The following TPRG1 variants were observed in gnomAD, a reference collection of about 807,000 sequenced individuals.
The protein encoded by TPRG1 is tumor protein p63 regulated 1, also known as tumor protein p63-regulated gene 1 protein.
In TPRG1, 29 loss-of-function variants were observed where a neutral mutation model predicts 29.3. That is an observed-to-expected ratio of 0.99 (90% CI 0.74 to 1.35). The LOEUF (loss-of-function observed/expected upper bound fraction) is 1.35, where lower values mean the gene tolerates loss of function less well. Ranked by LOEUF, TPRG1 falls within the 40% of genes most tolerant of loss-of-function variation. The pLI is 0.00. For missense variants in TPRG1, 327 were observed against 335.0 expected (o/e 0.98, Z 0.19); for synonymous variants, 130 against 116.8 (o/e 1.11, Z -0.73).
intron 1 of TPRG1, among the ~76,000 whole-genome samples, chr3:189,198,741 C>G (rs1184496845): frequency 1.3e-5 from 2 of 152,136 alleles, no homozygotes; most frequent in Admixed American, 6.5e-5. Context: ...TCATGGCCCA[C>G]TAGTGAAGAC....
chr3:189,125,816 TGTGTGTGTG>T (rs1560467329), intron 1 of TPRG1, among the ~76,000 whole-genome samples: 83 of 16,360 alleles, frequency 5.1e-3, no homozygotes, highest in Middle Eastern at 0.077. Flanking sequence ...GGGTGTTTTG[TGTGTGTGTG>T]TGTGTGTGTG....
At chr3:189,044,703 C>T (rs1714862043) in intron 4 of TPRG1, among the ~76,000 whole-genome samples, 1 of 152,056 alleles carries the variant, frequency 6.6e-6, no homozygotes, top group Admixed American at 6.6e-5. Context: ...AGAGCAATGG[C>T]CTAAGTTGCA....
chr3:189,195,059 A>G (rs976790916), intron 1 of TPRG1, among the ~76,000 whole-genome samples: 3 of 152,216 alleles, frequency 2.0e-5, no homozygotes, highest in Admixed American at 6.5e-5. Flanking sequence ...CCCAACCCTG[A>G]GATGCAAAGC....
At chr3:189,122,358 A>T (rs1252691695) in intron 1 of TPRG1, among the ~76,000 whole-genome samples, 1 of 152,180 alleles carries the variant, frequency 6.6e-6, no homozygotes, top group Non-Finnish European at 1.5e-5. Flanking sequence ...TTCCCAAATG[A>T]CTTTTCTTGT....
chr3:189,303,747 A>G (rs1721196421), intron 4 of TPRG1, among the ~76,000 whole-genome samples: 1 of 152,224 alleles, frequency 6.6e-6, no homozygotes, highest in Admixed American at 6.5e-5. Context: ...TTTACTGCAC[A>G]AACACACATA....
chr3:189,005,698 A>G (rs773034320), intron 3 of TPRG1, among the ~76,000 whole-genome samples: 3 of 152,096 alleles, frequency 2.0e-5, no homozygotes, highest in Non-Finnish European at 4.4e-5. Flanking sequence ...TTGAGAAGGA[A>G]ATTCCCATTA....
At chr3:189,196,438 C>T (rs1732537392) in intron 1 of TPRG1, among the ~76,000 whole-genome samples, 1 of 152,134 alleles carries the variant, frequency 6.6e-6, no homozygotes, top group African/African-American at 2.4e-5. Flanking sequence ...TTAATTGACT[C>T]ACAGTTCCAC....
intron 4 of TPRG1, among the ~76,000 whole-genome samples, chr3:189,278,308 C>T (rs1482584787): frequency 3.3e-5 from 5 of 151,630 alleles, no homozygotes; most frequent in Admixed American, 1.3e-4. Flanking sequence ...AGTGGTTGCT[C>T]GAGTGCCCTG....
chr3:189,223,760 C>G (rs1414110795), intron 3 of TPRG1, among the ~76,000 whole-genome samples: 1 of 152,096 alleles, frequency 6.6e-6, no homozygotes. Context: ...AAATAGGGAT[C>G]TTAAGAGCGT....
chr3:189,245,602 A>T (rs1358061601), intron 4 of TPRG1, among the ~76,000 whole-genome samples: 1 of 152,114 alleles, frequency 6.6e-6, no homozygotes, highest in African/African-American at 2.4e-5. Flanking sequence ...TTGTTTTATG[A>T]AGCTCATTAT....
At chr3:189,022,538 C>G (rs1157082692) in intron 3 of TPRG1, among the ~76,000 whole-genome samples, 2 of 151,626 alleles carry the variant, frequency 1.3e-5, no homozygotes, top group Non-Finnish European at 2.9e-5. Flanking sequence ...CCCAGTTAGG[C>G]TGCTCGGGGG....
intron 1 of TPRG1, among the ~76,000 whole-genome samples, chr3:189,116,280 C>A (rs1251066579): frequency 6.6e-6 from 1 of 151,928 alleles, no homozygotes; most frequent in African/African-American, 2.4e-5. Flanking sequence ...TGGGTTCAAG[C>A]AATTCTCTGC....
rs113659808 is a variant in TPRG1, at chr3:189,287,235, A to G, written c.480-23151A>G. Among the ~76,000 whole-genome samples the G allele has an allele frequency of 1.1e-3, 165 of 152,162 alleles. 3 individuals carry two copies. Among genetic ancestry groups the G allele is most frequent in the African/African-American group, 3.5e-3 (145 of 41,540 alleles). ...AGTGACGCTTTGCCTTTTACAATTG[A>G]AGAAAAGATCTTCCTTGGGGAATTC... On this transcript the variant is annotated intron_variant, in intron 4 of 5. Coordinates refer to ENST00000345063, the MANE Select transcript of TPRG1 (RefSeq NM_198485.4).
At chr3:189,023,129 G>A (rs1402812377) in intron 3 of TPRG1, among the ~76,000 whole-genome samples, 1 of 152,178 alleles carries the variant, frequency 6.6e-6, no homozygotes, top group Non-Finnish European at 1.5e-5. Flanking sequence ...CCACTGTCTG[G>A]CACTCCCTAG....
upstream of TPRG1, among the ~76,000 whole-genome samples, chr3:189,097,078 C>T (rs755483013): frequency 8.5e-5 from 13 of 152,182 alleles, no homozygotes; most frequent in Non-Finnish European, 1.2e-4. Context: ...TGTAACACTA[C>T]GCATTTGGTC....
At chr3:189,041,983 C>A (rs1271949280) in intron 4 of TPRG1, among the ~76,000 whole-genome samples, 1 of 152,102 alleles carries the variant, frequency 6.6e-6, no homozygotes, top group African/African-American at 2.4e-5. Flanking sequence ...AATCAACTTC[C>A]CTACCTCCAG....
chr3:189,105,834 G>C (rs754159791), intron 1 of TPRG1, among the ~76,000 whole-genome samples: 2 of 152,088 alleles, frequency 1.3e-5, no homozygotes, highest in Non-Finnish European at 2.9e-5. Flanking sequence ...TTCTAAATTG[G>C]AAACATTTTT....
chr3:189,221,225 T>C (rs965633675), intron 3 of TPRG1, among the ~76,000 whole-genome samples: 6 of 152,222 alleles, frequency 3.9e-5, no homozygotes, highest in African/African-American at 1.2e-4. Flanking sequence ...AAAAAGTCTC[T>C]TCTTCATTTA....
chr3:189,073,660 A>G (rs1023010072), intron 4 of TPRG1, among the ~76,000 whole-genome samples: 2 of 152,208 alleles, frequency 1.3e-5, no homozygotes. Context: ...TCAAAACATT[A>G]CAAAAACAAT....
Sources: gnomAD v4.1 joint callset for allele counts (sites outside exome capture counted in the v4.1 genomes callset) on GRCh38, gnomAD v4.1.1 for gene constraint, MANE v1.5 for transcripts, NCBI Gene and HGNC (gene_info 2026-07-23, HGNC 2026-07-21) for gene names.